UMODL1: variants seen among roughly 807,000 people sequenced by gnomAD.
UMODL1 encodes the protein uromodulin like 1.
A neutral mutation model predicts 136.3 loss-of-function variants in UMODL1; 128 were observed. The ratio of observed to expected loss-of-function variants is 0.94; its 90% confidence interval spans 0.81 to 1.09. The LOEUF (loss-of-function observed/expected upper bound fraction) is 1.09. Among genes scored for constraint, UMODL1 ranks in the 50% least tolerant of loss-of-function variants. UMODL1 has a pLI of 0.00. For missense variants in UMODL1, 1,766 were observed against 1,725.6 expected (o/e 1.02, Z -0.41); for synonymous variants, 721 against 720.0 (o/e 1.00, Z -0.02).
chr21:42,118,063 T>C (rs1297869608), intron 14 of UMODL1, among the ~76,000 whole-genome samples: 1 of 152,056 alleles, frequency 6.6e-6, no homozygotes, highest in African/African-American at 2.4e-5. Flanking sequence ...TGTCAGGAGG[T>C]GTTGGCTGCA....
chr21:42,088,521 G>A, intron 5 of UMODL1, 41 bp downstream of exon 5: 1 of 1,552,130 alleles, frequency 6.4e-7, no homozygotes. Context: ...AGGCTGCAGG[G>A]TGGTGCCTGA....
At chr21:42,119,970 G>A (rs879474658) in intron 15 of UMODL1, among the ~76,000 whole-genome samples, 3 of 152,136 alleles carry the variant, frequency 2.0e-5, no homozygotes, top group African/African-American at 7.2e-5. Flanking sequence ...CAATAATTTG[G>A]TGAAGTGTTA....
chr21:42,111,895 C>T (rs984825148), intron 12 of UMODL1, among the ~76,000 whole-genome samples, 185 bp downstream of exon 12: 1 of 152,168 alleles, frequency 6.6e-6, no homozygotes, highest in Non-Finnish European at 1.5e-5. Context: ...GTTAGGAAGA[C>T]AGCTTGGTCC....
At chr21:42,115,796 C>T in intron 13 of UMODL1, 77 bp from the exon 14 acceptor site, 1 of 1,204,328 alleles carries the variant, frequency 8.3e-7, no homozygotes, top group Non-Finnish European at 1.2e-6. Flanking sequence ...CATGAAAATA[C>T]ATTTATTAAT....
In UMODL1 at chr21:42,119,336, T is replaced by C; in HGVS notation, c.2689+12T>C. On this transcript the variant is annotated intron_variant, in intron 15 of 22. Transcript: ENST00000408910. ...CACCTTCATACAGGGTACGAGAGGC[T>C]GGGATGGAGCCTCTCCCGTGTTCTG... 6.2e-7 allele frequency: 1 copy of C among 1,611,808 alleles called. No individual in the cohort carries two copies. Among genetic ancestry groups the C allele is most frequent in the South Asian group, 1.1e-5 (1 of 91,024 alleles).
chr21:42,070,653 A>T (rs1360156483), upstream of UMODL1, among the ~76,000 whole-genome samples: 3 of 152,220 alleles, frequency 2.0e-5, no homozygotes, highest in Non-Finnish European at 4.4e-5. Flanking sequence ...GTAATGCTGC[A>T]TCCAGATGCT....
chr21:42,136,033 G>A (rs192918088), intron 21 of UMODL1, among the ~76,000 whole-genome samples: 14 of 152,234 alleles, frequency 9.2e-5, no homozygotes, highest in Admixed American at 4.6e-4. Context: ...CTGAGATGGA[G>A]GGGACTGGGT....
At chr21:42,076,479 C>T (rs1356739784) in intron 2 of UMODL1, among the ~76,000 whole-genome samples, 1 of 152,182 alleles carries the variant, frequency 6.6e-6, no homozygotes, top group Non-Finnish European at 1.5e-5. Context: ...TGACAAGTTC[C>T]TGGGTGACGC....
intron 1 of UMODL1, among the ~76,000 whole-genome samples, chr21:42,065,712 T>G (rs760102137): frequency 1.3e-4 from 20 of 151,986 alleles, no homozygotes; most frequent in Admixed American, 6.6e-5. Flanking sequence ...TTTTGTATTT[T>G]TAGTGGAGAG....
chr21:42,121,951 C>T (rs138348469), intron 16 of UMODL1, among the ~76,000 whole-genome samples: 14 of 152,176 alleles, frequency 9.2e-5, no homozygotes, highest in East Asian at 7.7e-4. Context: ...TGGTGATGGG[C>T]GTGATCTCAC....
chr21:42,101,546 C>T (rs1274795231), intron 7 of UMODL1, among the ~76,000 whole-genome samples: 2 of 152,204 alleles, frequency 1.3e-5, no homozygotes, highest in Admixed American at 1.3e-4. Flanking sequence ...CGACCTGCTC[C>T]TGTGCCCGCC....
At chr21:42,092,880 T>C (rs573507827) in intron 6 of UMODL1, among the ~76,000 whole-genome samples, 6 of 151,546 alleles carry the variant, frequency 4.0e-5, no homozygotes, top group African/African-American at 7.3e-5. Context: ...GAAGAGGAAA[T>C]TGAGGGGGAC....
At chr21:42,093,407 C>T (rs2066516209) in intron 6 of UMODL1, 1 of 153,038 alleles carries the variant, frequency 6.5e-6, no homozygotes, top group Non-Finnish European at 1.5e-5. Context: ...TTTGTAGAGA[C>T]GAGGTCTCAC....
intron 20 of UMODL1, among the ~76,000 whole-genome samples, chr21:42,128,556 G>C (rs142142873): frequency 6.6e-6 from 1 of 152,220 alleles, no homozygotes; most frequent in Non-Finnish European, 1.5e-5. Flanking sequence ...GGATAGAGAA[G>C]CAACACAAGG....
At chr21:42,108,660 A>G in intron 9 of UMODL1, 1 of 315,620 alleles carries the variant, frequency 3.2e-6, no homozygotes. Context: ...AGGCACTGTC[A>G]CCTCCAGCAG....
intron 7 of UMODL1, 27 bp from the exon 8 acceptor site, chr21:42,102,139 G>A (rs773665763): frequency 2.6e-6 from 4 of 1,556,782 alleles, no homozygotes; most frequent in Non-Finnish European, 3.5e-6. Flanking sequence ...TTGACCACAG[G>A]CTAATTTGTT....
At chr21:42,078,585 T>C (rs220292) in intron 2 of UMODL1, among the ~76,000 whole-genome samples, 7 of 8,716 alleles carry the variant, frequency 8.0e-4, no homozygotes, top group Non-Finnish European at 6.6e-4. Context: ...CCATCACCAA[T>C]AGAAACCAGG....
In UMODL1 at chr21:42,111,042, C is replaced by T. The variant is rs2066815776; in HGVS notation, c.1820C>T (p.Pro607Leu). 2 of 1,613,252 alleles carry T rather than the reference C, an allele frequency of 1.2e-6. No individual in the cohort carries two copies. The highest frequency in any genetic ancestry group is 1.7e-5 in the Admixed American group (1 of 59,924). ...GTPAAGQAWT[P>L]EPSPRRGGSN... ...CCGGCAGCAGGCCAGGCCTGGACCC[C>T]AGAGCCCTCACCCAGAAGAGGGGGC... The change falls in exon 11 of 23, where the codon CCA becomes CTA. Residue 607 changes from proline (P) to leucine (L), a missense_variant. By Grantham distance (98) the Pro-to-Leu change is moderately conservative. Transcript: ENST00000408910.
At chr21:42,133,852 C>T (rs2067165320) in intron 21 of UMODL1, among the ~76,000 whole-genome samples, 1 of 152,180 alleles carries the variant, frequency 6.6e-6, no homozygotes. Context: ...AGGCCATGCC[C>T]CACAGTACTA....
Sources: gnomAD v4.1 joint callset for allele counts (sites outside exome capture counted in the v4.1 genomes callset) on GRCh38, gnomAD v4.1.1 for gene constraint, MANE v1.5 for transcripts, NCBI Gene and HGNC (gene_info 2026-07-23, HGNC 2026-07-21) for gene names.